The following CAP2 variants were observed in gnomAD, a reference collection of about 807,000 sequenced individuals.
CAP2 encodes cyclase associated actin cytoskeleton regulatory protein 2, also known as adenylyl cyclase-associated protein 2.
In CAP2, 24 loss-of-function variants were observed where a neutral mutation model predicts 57.7. The observed-to-expected ratio is 0.42, with a 90% CI of 0.30 to 0.58. The LOEUF (loss-of-function observed/expected upper bound fraction) is 0.58. CAP2 is among the 20% of genes least tolerant of loss of function. The probability of loss-of-function intolerance (pLI) is 0.22; values close to 1 mark genes in which losing one functional copy is unlikely to be tolerated. For synonymous variants in CAP2, 194 were observed against 207.2 expected (o/e 0.94, Z 0.55); for missense variants, 501 against 590.3 (o/e 0.85, Z 1.57).
chr6:17,432,279 G>T lies in CAP2; in HGVS notation c.222+5589G>T, dbSNP rs184652969. ...TCATTTTAAAAGTGACCATTTACATGTTTGGTGCTTTAGAATCTGTGTCTA... is the reference window on the plus strand; with the variant it reads ...TCATTTTAAAAGTGACCATTTACATTTTTGGTGCTTTAGAATCTGTGTCTA... On this transcript the variant is annotated intron_variant, in intron 3 of 12. Transcript: ENST00000229922. 2.1e-3 allele frequency among the ~76,000 whole-genome samples: 316 copies of T among 152,136 alleles called. 1 individual carries two copies. Among genetic ancestry groups the T allele is most frequent in the African/African-American group, 7.0e-3 (292 of 41,510 alleles).
chr6:17,524,861 A>C (rs1365101537), intron 7 of CAP2, among the ~76,000 whole-genome samples: 1 of 150,730 alleles, frequency 6.6e-6, no homozygotes, highest in Admixed American at 6.7e-5. Flanking sequence ...AGAATCTATA[A>C]ATATTTTAGA....
intron 7 of CAP2, among the ~76,000 whole-genome samples, chr6:17,535,345 GCT>G (rs1264281584): frequency 6.0e-5 from 9 of 151,236 alleles, no homozygotes; most frequent in Non-Finnish European, 1.5e-5. Context: ...CGCAATCTCG[GCT>G]CACTGCAACC....
intron 4 of CAP2, among the ~76,000 whole-genome samples, chr6:17,463,624 C>T (rs534660206): frequency 5.9e-5 from 9 of 152,210 alleles, no homozygotes; most frequent in South Asian, 2.1e-4. Context: ...GGGTCGTCTA[C>T]GGAGCTTCAT....
intron 4 of CAP2, among the ~76,000 whole-genome samples, chr6:17,485,129 ACT>A (rs1268456725): frequency 6.6e-6 from 1 of 151,888 alleles, no homozygotes; most frequent in African/African-American, 2.4e-5. Flanking sequence ...TAGTGAAATA[ACT>A]AGATTCCCAG....
At chr6:17,463,203 G>A (rs1202767589) in intron 4 of CAP2, 130 bp downstream of exon 4, 2 of 645,224 alleles carry the variant, frequency 3.1e-6, no homozygotes, top group African/African-American at 1.8e-5. Context: ...TGTATGTTCT[G>A]TCTCTAATCT....
rs148458847 is a variant in CAP2 at position 17,528,189 on chromosome 6, C to G, written c.637-11080C>G. 3.1e-3 allele frequency among the ~76,000 whole-genome samples: 472 copies of G among 152,292 alleles called. 3 individuals carry two copies. Among genetic ancestry groups the G allele is most frequent in the African/African-American group, 0.011 (437 of 41,548 alleles). The stretch of plus-strand genomic sequence containing the variant: ...AATGTAAGTGTTCTGAACACGTTTA[C>G]GTTAGCCTAGGCTAAGCCACGAGGT... On this transcript the variant is annotated intron_variant, in intron 7 of 12. Transcript: ENST00000229922.
At chr6:17,451,507 G>A (rs939223262) in intron 3 of CAP2, among the ~76,000 whole-genome samples, 3 of 151,718 alleles carry the variant, frequency 2.0e-5, no homozygotes, top group African/African-American at 7.3e-5. Flanking sequence ...TAGGTATTCA[G>A]AAAATACTTT....
chr6:17,435,681 T>TAAAAAAAAA (rs71002211), intron 3 of CAP2, among the ~76,000 whole-genome samples: 103 of 67,390 alleles, frequency 1.5e-3, no homozygotes, highest in South Asian at 2.9e-3. Context: ...TAGAGTATAA[T>TAAAAAAAAA]AAAAAAAAAA....
intron 7 of CAP2, among the ~76,000 whole-genome samples, chr6:17,527,660 G>T (rs901724208): frequency 1.4e-5 from 2 of 145,040 alleles, no homozygotes; most frequent in African/African-American, 5.1e-5. Flanking sequence ...GCAGTGGCAC[G>T]ATCTCGGCTC....
chr6:17,437,666 C>G (rs1759931457), intron 3 of CAP2, among the ~76,000 whole-genome samples: 1 of 151,712 alleles, frequency 6.6e-6, no homozygotes, highest in African/African-American at 2.4e-5. Flanking sequence ...ATCATGAGGT[C>G]AAAAGATCAA....
chr6:17,529,775 A>G (rs1762598257), intron 7 of CAP2, among the ~76,000 whole-genome samples: 1 of 150,656 alleles, frequency 6.6e-6, no homozygotes, highest in African/African-American at 2.4e-5. Context: ...TCTTTTAATC[A>G]CTCCCTCCTA....
At chr6:17,456,011 G>A (rs1048347206) in intron 3 of CAP2, among the ~76,000 whole-genome samples, 1 of 152,170 alleles carries the variant, frequency 6.6e-6, no homozygotes, top group African/African-American at 2.4e-5. Flanking sequence ...GAGCTGTTTT[G>A]TTAATTCATC....
At chr6:17,419,995 C>G (rs917437258) in intron 1 of CAP2, among the ~76,000 whole-genome samples, 2 of 152,180 alleles carry the variant, frequency 1.3e-5, no homozygotes, top group African/African-American at 4.8e-5. Context: ...CTTCAGCCTC[C>G]CAAGTAGCTG....
chr6:17,499,670 C>T lies in CAP2; in HGVS notation c.301-7499C>T, dbSNP rs539035726. On this transcript the variant is annotated intron_variant, in intron 4 of 12. Coordinates refer to ENST00000229922, the MANE Select transcript of CAP2 (RefSeq NM_006366.3). The stretch of plus-strand genomic sequence containing the variant: ...TCAAGACCAGCCTGGGCACAACATA[C>T]GGAGACCCAGTCTCCTCAAAAAATC... Among the ~76,000 whole-genome samples the T allele has an allele frequency of 8.6e-5, 13 of 151,912 alleles. No individual in the cohort carries two copies. The South Asian group carries it at 2.7e-3, about 32-fold the overall frequency.
At chr6:17,539,578 G>A in intron 8 of CAP2, 120 bp downstream of exon 8, 3 of 747,820 alleles carry the variant, frequency 4.0e-6, no homozygotes, top group Non-Finnish European at 6.4e-6. Context: ...AGCATGCAGG[G>A]AGAGGGGGAA....
At chr6:17,452,823 A>G (rs530144279) in intron 3 of CAP2, among the ~76,000 whole-genome samples, 1 of 152,210 alleles carries the variant, frequency 6.6e-6, no homozygotes, top group East Asian at 1.9e-4. Flanking sequence ...TCACATAAGT[A>G]TTTATCACAC....
intron 4 of CAP2, among the ~76,000 whole-genome samples, chr6:17,477,112 C>T (rs1305983281): frequency 6.6e-6 from 1 of 152,130 alleles, no homozygotes; most frequent in African/African-American, 2.4e-5. Flanking sequence ...CTCAGGTGAT[C>T]TGCCCGGCCT....
At chr6:17,439,467 C>T (rs765087830) in intron 3 of CAP2, among the ~76,000 whole-genome samples, 3 of 151,436 alleles carry the variant, frequency 2.0e-5, no homozygotes, top group Non-Finnish European at 4.4e-5. Flanking sequence ...AGTAGTCAAC[C>T]TTTTTGGCAC....
chr6:17,490,621 C>T (rs778911540), intron 4 of CAP2, among the ~76,000 whole-genome samples: 4 of 152,222 alleles, frequency 2.6e-5, no homozygotes, highest in Non-Finnish European at 4.4e-5. Context: ...CACGCCTTTG[C>T]GGGCAGAGGT....
Sources: gnomAD v4.1 joint callset for allele counts (sites outside exome capture counted in the v4.1 genomes callset) on GRCh38, gnomAD v4.1.1 for gene constraint, MANE v1.5 for transcripts, NCBI Gene and HGNC (gene_info 2026-07-23, HGNC 2026-07-21) for gene names.